Variants in CAAP1 observed in about 807,000 individuals in gnomAD.
The protein encoded by CAAP1 is conserved anti-apoptotic protein.
In CAAP1, 20 loss-of-function variants were observed where a neutral mutation model predicts 34.0. The observed-to-expected ratio is 0.59, with a 90% CI of 0.41 to 0.86. The LOEUF is 0.86. Among genes scored for constraint, CAAP1 ranks in the 40% least tolerant of loss-of-function variants. The probability of loss-of-function intolerance (pLI) is 0.00; values close to 1 mark genes in which losing one functional copy is unlikely to be tolerated. For missense variants in CAAP1, 538 were observed against 450.5 expected, an observed-to-expected ratio of 1.19 and a Z score of -1.76; for synonymous variants, 213 against 166.7, an observed-to-expected ratio of 1.28 and a Z score of -2.14.
Position 26,886,189 on chromosome 9 carries a change from C to T in CAAP1, c.505-1G>A. 6.8e-7 allele frequency: 1 copy of T among 1,468,356 alleles called. No individual in the cohort carries two copies. Among genetic ancestry groups the T allele is most frequent in the Non-Finnish European group, 9.1e-7 (1 of 1,103,048 alleles). The allele number at this position is 1,468,356 out of a possible 1,614,324, so 91.0% of individuals were successfully genotyped here. Reference sequence around the variant, plus strand: ...TTTTAATTTCTTCTATTGAACAGTTCTAAAGGAAATGACATTTTAAAAAAA... The same window carrying T: ...TTTTAATTTCTTCTATTGAACAGTTTTAAAGGAAATGACATTTTAAAAAAA... On this transcript the variant is annotated splice_acceptor_variant, in intron 2 of 5. Transcript: ENST00000333916. LOFTEE classifies it high-confidence loss of function.
intron 4 of CAAP1, among the ~76,000 whole-genome samples, chr9:26,869,462 T>C (rs1823221199): frequency 6.6e-6 from 1 of 152,168 alleles, no homozygotes; most frequent in Non-Finnish European, 1.5e-5. Context: ...ACATAAACCA[T>C]TGTTGACATT....
chr9:26,846,410 T>C (rs765829098), intron 5 of CAAP1, among the ~76,000 whole-genome samples: 161 of 107,866 alleles, frequency 1.5e-3, no homozygotes, highest in Non-Finnish European at 2.4e-3. Flanking sequence ...AGCGAGACTC[T>C]GTCTCAAAAA....
At chr9:26,874,716 A>G (rs1823382985) in intron 4 of CAAP1, among the ~76,000 whole-genome samples, 1 of 152,204 alleles carries the variant, frequency 6.6e-6, no homozygotes, top group South Asian at 2.1e-4. Flanking sequence ...GCACACTAAC[A>G]AAAATTTCTT....
chr9:26,854,743 C>T (rs1175806318), intron 5 of CAAP1, among the ~76,000 whole-genome samples: 2 of 152,134 alleles, frequency 1.3e-5, no homozygotes, highest in African/African-American at 4.8e-5. Context: ...CACAAATGAT[C>T]TGAGAAGACA....
chr9:26,889,715 AG>A (rs1352194132), intron 1 of CAAP1, among the ~76,000 whole-genome samples: 2 of 151,458 alleles, frequency 1.3e-5, no homozygotes, highest in African/African-American at 2.4e-5. Context: ...AAAATACAAA[AG>A]CATTAACTGG....
chr9:26,880,162 T>G (rs1823555040), intron 4 of CAAP1: 2 of 262,318 alleles, frequency 7.6e-6, no homozygotes, highest in South Asian at 6.9e-5. Context: ...AAGGATGTTC[T>G]CCACACTCAC....
chr9:26,847,407 G>A (rs1822643900), intron 5 of CAAP1, among the ~76,000 whole-genome samples: 1 of 150,974 alleles, frequency 6.6e-6, no homozygotes, highest in Non-Finnish European at 1.5e-5. Flanking sequence ...GTAGAGACGG[G>A]GTTTCACCGT....
intron 1 of CAAP1, 100 bp from the exon 2 acceptor site, chr9:26,887,613 T>C: frequency 1.4e-6 from 1 of 725,750 alleles, no homozygotes; most frequent in Non-Finnish European, 2.1e-6. Context: ...TTCTTCTTCA[T>C]CAAAAATTCC....
At chr9:26,862,415 CA>C (rs201777956) in intron 4 of CAAP1, among the ~76,000 whole-genome samples, 93 of 131,366 alleles carry the variant, frequency 7.1e-4, no homozygotes, top group East Asian at 1.3e-3. Context: ...TCTAAATTTA[CA>C]AAAAAAAAAA....
chr9:26,885,104 T>A (rs1476934683), intron 3 of CAAP1, among the ~76,000 whole-genome samples: 1 of 139,798 alleles, frequency 7.2e-6, no homozygotes, highest in African/African-American at 2.7e-5. Context: ...TTAGACGGAG[T>A]GTCACACTGT....
At chr9:26,871,257 A>T (rs1199472536) in intron 4 of CAAP1, among the ~76,000 whole-genome samples, 2 of 152,050 alleles carry the variant, frequency 1.3e-5, no homozygotes, top group Non-Finnish European at 2.9e-5. Context: ...AACTCATCAA[A>T]AAGGACATGG....
At position 26,846,443 on chromosome 9, in the gene CAAP1, GAAGAA is replaced by G. The variant is rs1563877080; in HGVS notation, c.740-3801_740-3797del. Among the ~76,000 whole-genome samples the G allele has an allele frequency of 7.6e-4, 97 of 127,692 alleles. 1 individual carries two copies. The highest frequency in any genetic ancestry group is 2.9e-3 in the African/African-American group (91 of 31,238). The allele number at this position is 127,692 out of a possible 152,430, so 83.8% of individuals were successfully genotyped here. On this transcript the variant is annotated intron_variant, in intron 5 of 5. Transcript: ENST00000333916. ...AAAAAAAAAAAAAAAAAAAAAAGAA[GAAGAA>G]AAAAAAGAAAAAAGAAAGACTTACA...
At chr9:26,888,844 A>AT (rs1355872641) in intron 1 of CAAP1, among the ~76,000 whole-genome samples, 1 of 152,260 alleles carries the variant, frequency 6.6e-6, no homozygotes, top group African/African-American at 2.4e-5. Context: ...AACAACACAA[A>AT]TGCCCATCAA....
rs138564042 is a variant in CAAP1 at position 26,848,229 on chromosome 9, A to T, written c.740-5582T>A. Among the ~76,000 whole-genome samples, 371 of 152,174 alleles carry T rather than the reference A, an allele frequency of 2.4e-3. 2 individuals are homozygous for T. The highest frequency in any genetic ancestry group is 4.0e-3 in the Non-Finnish European group (274 of 67,962). ...TTGTGATGTGATTAACAGTTCTTAT[A>T]TGTGGCCAGGCGTGGTGGTTCATGC... On this transcript the variant is annotated intron_variant, in intron 5 of 5. Transcript: ENST00000333916.
rs1822474446 is a variant in CAAP1 at position 26,841,320 on chromosome 9, A to G, written c.*981T>C. ...CGTAAATTTATTTTGGTATCAAACA[A>G]CTGCAATTAGTGATGGGGGGATAAA... On this transcript the variant is annotated 3_prime_UTR_variant, in exon 6 of 6. Coordinates refer to ENST00000333916, the MANE Select transcript of CAAP1 (RefSeq NM_024828.4). 6.6e-6 allele frequency: 1 copy of G among 152,596 alleles called. No individual in the cohort carries two copies. The highest frequency in any genetic ancestry group is 2.1e-4 in the South Asian group (1 of 4,832). The allele number at this position is 152,596 out of a possible 1,614,324, so 9.5% of individuals were successfully genotyped here.
At chr9:26,892,122 C>T (rs181081159) in intron 1 of CAAP1, 2 of 651,542 alleles carry the variant, frequency 3.1e-6, no homozygotes, top group Non-Finnish European at 4.8e-6. Context: ...GCTTCCAACT[C>T]GTATTCTTCC....
rs115088520 is a variant in CAAP1 at position 26,853,203 on chromosome 9, T to C, written c.739+7863A>G. ...AGAAACAGTGGGATCAGGATGGAGA[T>C]GAAGGAAAGGACTAAGGAATGATTC... On this transcript the variant is annotated intron_variant, in intron 5 of 5. Transcript: ENST00000333916. 9.6e-3 allele frequency among the ~76,000 whole-genome samples: 1,466 copies of C among 152,054 alleles called. 25 individuals carry two copies. The highest frequency in any genetic ancestry group is 0.034 in the African/African-American group (1,394 of 41,460).
rs137907652 is a variant in CAAP1, at chr9:26,851,516, T to C, written c.740-8869A>G. ...GATAAAAAGCACAATAGGGACTCCC[T>C]GCTAGTCTTTTACAATGGATCAGAT... On this transcript the variant is annotated intron_variant, in intron 5 of 5. Coordinates refer to ENST00000333916, the MANE Select transcript of CAAP1 (RefSeq NM_024828.4). 4.4e-3 allele frequency among the ~76,000 whole-genome samples: 667 copies of C among 152,342 alleles called. 6 individuals are homozygous for C. The highest frequency in any genetic ancestry group is 0.015 in the African/African-American group (617 of 41,580).
chr9:26,880,234 CA>C, intron 4 of CAAP1: 3 of 412,680 alleles, frequency 7.3e-6, no homozygotes, highest in Non-Finnish European at 1.4e-5. Context: ...CTGGTGTCTT[CA>C]AAAAGGACAA....
Sources: gnomAD v4.1 joint callset for allele counts (sites outside exome capture counted in the v4.1 genomes callset) on GRCh38, gnomAD v4.1.1 for gene constraint, MANE v1.5 for transcripts, NCBI Gene and HGNC (gene_info 2026-07-23, HGNC 2026-07-21) for gene names.